The following ZNF581 variants were observed in gnomAD, a reference collection of about 807,000 sequenced individuals.
ZNF581 encodes zinc finger protein 581.
A neutral mutation model predicts 1.2 loss-of-function variants in ZNF581; 1 was observed. The observed-to-expected ratio is 0.83, with a 90% CI of 0.30 to 3.95. The LOEUF is 3.95. Among genes scored for constraint, ZNF581 ranks in the 30% most tolerant of loss-of-function variants. The pLI, the probability that ZNF581 is intolerant of heterozygous loss-of-function variation, is 0.18. For missense variants in ZNF581, 273 were observed against 274.6 expected, an observed-to-expected ratio of 0.99 and a Z score of 0.04; for synonymous variants, 105 against 109.2, an observed-to-expected ratio of 0.96 and a Z score of 0.24.
In ZNF581 at chr19:55,645,074, C is replaced by G; in HGVS notation, c.503C>G (p.Ser168Cys). ...CTGGCCCAGCACAGCCGGGTGCACT[C>G]TGGGGAACGCCCGTTTCAGTGTCCA... Reference protein sequence around the residue: ...GELAQHSRVHSGERPFQCPHC... With the variant: ...GELAQHSRVHCGERPFQCPHC... The change falls in exon 2 of 2, where the codon TCT becomes TGT. Residue 168 changes from serine to cysteine, a missense_variant. Physicochemically the swap from Ser to Cys is moderately radical, Grantham distance 112. Coordinates refer to ENST00000270451, the MANE Select transcript of ZNF581 (RefSeq NM_016535.4). The G allele has an allele frequency of 6.4e-7, 1 of 1,560,658 alleles. No homozygotes were observed. Among genetic ancestry groups the G allele is most frequent in the Non-Finnish European group, 8.7e-7 (1 of 1,147,380 alleles).
chr19:55,639,139 T>A (rs1260344236), upstream of ZNF581, among the ~76,000 whole-genome samples: 5 of 152,248 alleles, frequency 3.3e-5, no homozygotes, highest in African/African-American at 1.2e-4. Context: ...AGGAGCCATG[T>A]TGCCTCCTAG....
At chr19:55,638,991 GC>G (rs1332261968), upstream of ZNF581, among the ~76,000 whole-genome samples, 3 of 106,272 alleles carry the variant, frequency 2.8e-5, no homozygotes, top group Non-Finnish European at 5.1e-5. Context: ...GGGCAACAGA[GC>G]AAGACTCCAT....
Position 55,644,628 on chromosome 19 carries a change from C to A in ZNF581, c.57C>A (p.Thr19=). 1 of 1,610,228 alleles carries A rather than the reference C, an allele frequency of 6.2e-7. No individual in the cohort carries two copies. ...CTCTGGCATTTTCCTCCGTTGAGACCATGGAGGGCCCTCCCCGTCGGACTT... is the reference window on the plus strand; with the variant it reads ...CTCTGGCATTTTCCTCCGTTGAGACAATGGAGGGCCCTCCCCGTCGGACTT... ...PQPLAFSSVE[T]MEGPPRRTCR... Residue 19 remains threonine (T), a synonymous_variant, in exon 2 of 2, where the codon ACC becomes ACA. Coordinates refer to ENST00000270451, the MANE Select transcript of ZNF581 (RefSeq NM_016535.4). The surrounding 1 kb of genome is among the most constrained non-coding windows in gnomAD (Gnocchi z 4.3).
chr19:55,641,449 G>C (rs1036930028), upstream of ZNF581, among the ~76,000 whole-genome samples: 2 of 152,218 alleles, frequency 1.3e-5, no homozygotes, highest in Non-Finnish European at 2.9e-5. Context: ...TAAACAAGGG[G>C]AGCAGAGCAA....
chr19:55,636,243 G>A (rs2123614886), upstream of ZNF581, among the ~76,000 whole-genome samples: 1 of 152,288 alleles, frequency 6.6e-6, no homozygotes, highest in African/African-American at 2.4e-5. Context: ...CAGATATGGT[G>A]GTCCAGGTGA....
At chr19:55,642,302 T>C (rs1568536851), upstream of ZNF581, 1 of 1,253,660 alleles carries the variant, frequency 8.0e-7, no homozygotes, top group Non-Finnish European at 1.0e-6. Context: ...CAGAGCTCAG[T>C]TGGAGGCCCT....
upstream of ZNF581, chr19:55,642,249 A>G: frequency 8.2e-7 from 1 of 1,223,434 alleles, no homozygotes; most frequent in Non-Finnish European, 1.0e-6. Flanking sequence ...CTGAGTGGTG[A>G]GAGGTGGACC....
chr19:55,641,947 C>G (rs1409970218), upstream of ZNF581: 2 of 706,878 alleles, frequency 2.8e-6, no homozygotes, highest in African/African-American at 2.3e-5. Context: ...AGGGAGGCCA[C>G]GGAATATGAA....
Position 55,635,653 on chromosome 19 carries a change from C to A in ZNF581, c.-79C>A, listed in dbSNP as rs1982048414. ...GGACATGAGTAATCAGTCACAGTGGCCCAAGATTTGAGGTGTAAATGGAGA... is the reference window on the plus strand; with the variant it reads ...GGACATGAGTAATCAGTCACAGTGGACCAAGATTTGAGGTGTAAATGGAGA... On this transcript the variant is annotated 5_prime_UTR_variant, in exon 1 of 2. Transcript: ENST00000587252. 3 of 987,844 alleles carry A rather than the reference C, an allele frequency of 3.0e-6. No homozygotes were observed. The South Asian group carries it at 1.4e-4, about 46-fold the overall frequency. 61.2% of individuals were successfully genotyped at this position (987,844 alleles called of 1,614,324 possible).
upstream of ZNF581, chr19:55,643,106 C>A: frequency 7.6e-7 from 1 of 1,318,718 alleles, no homozygotes; most frequent in Admixed American, 4.2e-5. Flanking sequence ...CACTCCCACA[C>A]ACACCCCCTG....
At chr19:55,639,150 A>T (rs999272587), upstream of ZNF581, among the ~76,000 whole-genome samples, 4 of 152,150 alleles carry the variant, frequency 2.6e-5, no homozygotes, top group Non-Finnish European at 5.9e-5. Flanking sequence ...TGCCTCCTAG[A>T]GGACACGGGC....
upstream of ZNF581, chr19:55,640,687 C>T: frequency 1.0e-6 from 1 of 985,480 alleles, no homozygotes; most frequent in Non-Finnish European, 1.2e-6. Context: ...CATCCCTTCT[C>T]CCGCCCTCTA....
At chr19:55,643,078 G>A (rs773996977), upstream of ZNF581, 128 of 1,336,520 alleles carry the variant, frequency 9.6e-5, no homozygotes, top group Non-Finnish European at 1.2e-4. Context: ...CACCAAGTCT[G>A]ACCCACACAG....
upstream of ZNF581, chr19:55,643,352 G>A (rs11233): frequency 0.27 from 86,703 of 326,642 alleles, 11,987 homozygotes; most frequent in African/African-American, 0.32. Context: ...GCGGTGAACC[G>A]GTGGTTGTCT....
chr19:55,638,416 T>TAC (rs903208237), upstream of ZNF581, among the ~76,000 whole-genome samples: 1 of 152,130 alleles, frequency 6.6e-6, no homozygotes, highest in Non-Finnish European at 1.5e-5. Flanking sequence ...TTTTTGTGTT[T>TAC]TTAGTAGAGA....
upstream of ZNF581, chr19:55,641,053 C>T (rs1568536167): frequency 1.0e-6 from 1 of 985,302 alleles, no homozygotes; most frequent in African/African-American, 1.7e-5. Context: ...CCCCCAGTCC[C>T]CGCGTCCCCG....
upstream of ZNF581, chr19:55,640,664 C>T (rs1296352112): frequency 1.0e-6 from 1 of 985,362 alleles, no homozygotes; most frequent in Non-Finnish European, 1.2e-6. Flanking sequence ...CACATTTGCT[C>T]AGCCGGCAGG....
chr19:55,640,047 GCT>G (rs1050789895), upstream of ZNF581: 11 of 818,526 alleles, frequency 1.3e-5, no homozygotes, highest in African/African-American at 2.0e-4. Flanking sequence ...GATGGACAGT[GCT>G]CTAGGATGTA....
At chr19:55,642,920 C>T, upstream of ZNF581, 1 of 1,509,946 alleles carries the variant, frequency 6.6e-7, no homozygotes, top group Non-Finnish European at 8.8e-7. Flanking sequence ...CCTGTCGCGG[C>T]ATCGCGCCAC....
Sources: gnomAD v4.1 joint callset for allele counts (sites outside exome capture counted in the v4.1 genomes callset) on GRCh38, gnomAD v4.1.1 for gene constraint, Gnocchi (gnomAD v3.1) non-coding constraint, MANE v1.5 for transcripts, NCBI Gene and HGNC (gene_info 2026-07-23, HGNC 2026-07-21) for gene names.